DLG1: variants seen among roughly 807,000 people sequenced by gnomAD.
The protein encoded by DLG1 is discs large MAGUK scaffold protein 1, also known as disks large homolog 1.
A neutral mutation model predicts 123.4 loss-of-function variants in DLG1; 42 were observed. That is an observed-to-expected ratio of 0.34 (90% CI 0.27 to 0.44). DLG1 has a LOEUF of 0.44. Ranked by LOEUF, DLG1 falls within the 20% of genes least tolerant of loss-of-function variation. The pLI, the probability that DLG1 is intolerant of heterozygous loss-of-function variation, is 1.00. For synonymous variants in DLG1, 317 were observed against 356.2 expected, an observed-to-expected ratio of 0.89 and a Z score of 1.24; for missense variants, 942 against 1,082.6, an observed-to-expected ratio of 0.87 and a Z score of 1.82.
At chr3:197,190,779 G>A (rs1009353472) in intron 5 of DLG1, among the ~76,000 whole-genome samples, 3 of 152,236 alleles carry the variant, frequency 2.0e-5, no homozygotes, top group Admixed American at 2.0e-4. Context: ...GGGAGGCCGA[G>A]GCGGGCGGAT....
At chr3:197,090,845 A>C in intron 15 of DLG1, 67 bp downstream of exon 15, 1 of 988,020 alleles carries the variant, frequency 1.0e-6, no homozygotes, top group Non-Finnish European at 1.5e-6. Context: ...GTTATAGTGA[A>C]AAATACAAAA....
At chr3:197,228,644 A>T (rs1741214290) in intron 4 of DLG1, among the ~76,000 whole-genome samples, 1 of 152,198 alleles carries the variant, frequency 6.6e-6, no homozygotes, top group African/African-American at 2.4e-5. Flanking sequence ...ACCAGGAAAA[A>T]TGACTAATTT....
chr3:197,274,767 G>GC (rs1765597674), intron 4 of DLG1, among the ~76,000 whole-genome samples: 1 of 152,134 alleles, frequency 6.6e-6, no homozygotes, highest in African/African-American at 2.4e-5. Context: ...CAACAAAAAA[G>GC]CAAGTATCTG....
At chr3:197,076,486 G>T in intron 18 of DLG1, 100 bp downstream of exon 18, 2 of 812,162 alleles carry the variant, frequency 2.5e-6, no homozygotes, top group South Asian at 2.0e-5. Context: ...TTAGCAACCT[G>T]CTGCAGCTCT....
chr3:197,123,627 T>C (rs900917433), intron 11 of DLG1, among the ~76,000 whole-genome samples: 1 of 152,216 alleles, frequency 6.6e-6, no homozygotes, highest in African/African-American at 2.4e-5. Context: ...TTGGTGAGGA[T>C]GTAGAAAAAC....
intron 4 of DLG1, among the ~76,000 whole-genome samples, chr3:197,232,863 C>A (rs1477915200): frequency 1.3e-5 from 2 of 151,860 alleles, no homozygotes; most frequent in Non-Finnish European, 2.9e-5. Context: ...ATAAGGGGCA[C>A]CTACAAAAAA....
chr3:197,284,885 G>A (rs1168535552), intron 3 of DLG1, among the ~76,000 whole-genome samples: 1 of 151,670 alleles, frequency 6.6e-6, no homozygotes, highest in Non-Finnish European at 1.5e-5. Context: ...GCCTAAACTG[G>A]GTTTCCACAA....
At chr3:197,164,114 A>C (rs1180749091) in intron 5 of DLG1, among the ~76,000 whole-genome samples, 1 of 152,002 alleles carries the variant, frequency 6.6e-6, no homozygotes, top group East Asian at 1.9e-4. Context: ...AAACTTGGCC[A>C]GGCACAGTGG....
intron 4 of DLG1, among the ~76,000 whole-genome samples, chr3:197,240,921 C>CA (rs201406173): frequency 5.2e-4 from 32 of 61,700 alleles, no homozygotes; most frequent in Admixed American, 8.8e-4. Context: ...AAAATTACCT[C>CA]AAAAAAAAAA....
At chr3:197,290,927 T>C (rs1350643973) in intron 3 of DLG1, among the ~76,000 whole-genome samples, 1 of 109,170 alleles carries the variant, frequency 9.2e-6, no homozygotes, top group Non-Finnish European at 1.9e-5. Flanking sequence ...AAAAAGTCAG[T>C]CTCACACAAG....
chr3:197,218,325 A>T (rs1035235673), intron 4 of DLG1, among the ~76,000 whole-genome samples: 1 of 152,234 alleles, frequency 6.6e-6, no homozygotes, highest in African/African-American at 2.4e-5. Flanking sequence ...AAGCCTAAAA[A>T]AAGGCTTCTG....
chr3:197,176,977 AT>A (rs1030281664), intron 5 of DLG1, among the ~76,000 whole-genome samples: 2 of 151,306 alleles, frequency 1.3e-5, no homozygotes, highest in African/African-American at 4.8e-5. Flanking sequence ...TTTTTATATT[AT>A]TTTTTATTTA....
At chr3:197,196,171 CAAAAAAA>C (rs71162001) in intron 4 of DLG1, among the ~76,000 whole-genome samples, 25 of 88,726 alleles carry the variant, frequency 2.8e-4, no homozygotes, top group African/African-American at 1.0e-3. Context: ...AAATGCACAC[CAAAAAAA>C]AAAAAAAAAA....
chr3:197,298,426 A>G, intron 1 of DLG1, 110 bp downstream of exon 1: 1 of 398,698 alleles, frequency 2.5e-6, no homozygotes, highest in Non-Finnish European at 4.4e-6. Context: ...ACCTTGCCCT[A>G]GCCCACCGGC....
At chr3:197,045,801 A>AAGTC (rs1722623433) in intron 24 of DLG1, among the ~76,000 whole-genome samples, 1 of 152,240 alleles carries the variant, frequency 6.6e-6, no homozygotes, top group African/African-American at 2.4e-5. Flanking sequence ...CAAATTAAAT[A>AAGTC]AGTCACTTAC....
intron 9 of DLG1, among the ~76,000 whole-genome samples, chr3:197,137,757 C>T (rs990206301): frequency 1.4e-4 from 22 of 151,870 alleles, no homozygotes; most frequent in Non-Finnish European, 4.4e-5. Context: ...ACTGCTTGAG[C>T]CCAGGAGTTT....
chr3:197,177,867 A>G (rs1421403451), intron 5 of DLG1, among the ~76,000 whole-genome samples: 1 of 152,112 alleles, frequency 6.6e-6, no homozygotes, highest in Non-Finnish European at 1.5e-5. Flanking sequence ...GAACTATTAC[A>G]ATGCTAAATA....
chr3:197,236,342 A>C (rs1294994910), intron 4 of DLG1, among the ~76,000 whole-genome samples: 2 of 152,082 alleles, frequency 1.3e-5, no homozygotes, highest in Admixed American at 1.3e-4. Context: ...AAATAAAAAT[A>C]CTTCTTTCAA....
At chr3:197,290,444 A>G (rs1774270174) in intron 3 of DLG1, among the ~76,000 whole-genome samples, 1 of 152,176 alleles carries the variant, frequency 6.6e-6, no homozygotes, top group East Asian at 1.9e-4. Flanking sequence ...TGACTATAGG[A>G]TACAGAATTC....
Sources: gnomAD v4.1 joint callset for allele counts (sites outside exome capture counted in the v4.1 genomes callset) on GRCh38, gnomAD v4.1.1 for gene constraint, MANE v1.5 for transcripts, NCBI Gene and HGNC (gene_info 2026-07-23, HGNC 2026-07-21) for gene names.